The following CSAG1 variants were observed in gnomAD, a reference collection of about 807,000 sequenced individuals.
The protein encoded by CSAG1 is chondrosarcoma-associated gene 1 protein.
Under a neutral mutation model 4.8 loss-of-function variants are expected in CSAG1, and 4 were observed. The ratio of observed to expected loss-of-function variants is 0.83; its 90% CI spans 0.41 to 1.90. The LOEUF (loss-of-function observed/expected upper bound fraction) is 1.90. Ranked by LOEUF, CSAG1 falls within the 40% of genes most tolerant of loss-of-function variation. The probability of loss-of-function intolerance (pLI) is 0.03; values close to 1 mark genes in which losing one functional copy is unlikely to be tolerated. For missense variants in CSAG1, 69 were observed against 59.5 expected (o/e 1.16, Z -0.53); for synonymous variants, 21 against 23.1 (o/e 0.91, Z 0.26).
rs1556830613 is a variant in CSAG1 at position 152,727,889 on chromosome X, G to A, written c.168-26C>T. ...CTGGAAAGCCAACAGGGAGATCACA[G>A]GAGGGCACTGGTTTGGGGAAGAGGA... is the stretch of plus-strand genomic sequence containing the variant. On this transcript the variant is annotated intron_variant, in intron 3 of 3. Coordinates refer to ENST00000452779, the MANE Select transcript of CSAG1 (RefSeq NM_001102576.3). 25 of 1,200,368 alleles carry A rather than the reference G, an allele frequency of 2.1e-5. No homozygotes were observed. The African/African-American group carries it at 3.2e-4, about 15-fold the overall frequency.
chrX:152,733,132 G>A (rs782808227), intron 1 of CSAG1: 1 of 112,089 alleles, frequency 8.9e-6, no homozygotes, highest in African/African-American at 3.2e-5. Context: ...AGCTCCCGTG[G>A]GAAAGTGTCT....
At chrX:152,733,416 A>G (rs782478133) in intron 1 of CSAG1, among the ~76,000 whole-genome samples, 48 of 111,390 alleles carry the variant, frequency 4.3e-4, no homozygotes, top group African/African-American at 1.4e-3. Context: ...CTTAGGCAAT[A>G]ATGTCACCCC....
At position 152,727,513 on chromosome X, in the gene CSAG1, A is replaced by G. The variant is rs782754892; in HGVS notation, c.*281T>C. 2.8e-5 allele frequency: 11 copies of G among 395,347 alleles called. No homozygotes were observed. The East Asian group carries it at 3.2e-4, about 11-fold the overall frequency. 32.6% of individuals were successfully genotyped at this position (395,347 alleles called of 1,213,427 possible). A position where few individuals can be genotyped will look rare whatever the true frequency, so the allele number is the denominator to read the frequency against. On this transcript the variant is annotated 3_prime_UTR_variant, in exon 4 of 4. Transcript: ENST00000452779. ...TTTACAACATGTTCATTTTATTTCC[A>G]TCACCATGGGGCATACCCTTTGGGG...
At chrX:152,732,549 A>G in intron 1 of CSAG1, 45 bp from the exon 2 acceptor site, 2 of 1,196,060 alleles carry the variant, frequency 1.7e-6, no homozygotes, top group Non-Finnish European at 2.3e-6. Context: ...AACCAGTATT[A>G]GCAAGAAAAT....
At position 152,728,091 on chromosome X, in the gene CSAG1, G is replaced by C. The variant is rs1377136635; in HGVS notation, c.150C>G (p.His50Gln). 6 of 1,208,918 alleles carry C rather than the reference G, an allele frequency of 5.0e-6. No homozygotes were observed. The highest frequency in any genetic ancestry group is 6.7e-6 in the Non-Finnish European group (6 of 894,916). Reference protein sequence around the residue: ...PRASSPFSNNHPSTPKRFPRQ... With the variant: ...PRASSPFSNNQPSTPKRFPRQ... The stretch of plus-strand genomic sequence containing the variant: ...TTCCTCGCCTCTTTGGTGTTGATGG[G>C]TGGTTGTTGGAAAATGGGCTGGAGG... The change falls in exon 3 of 4, where the codon CAC becomes CAG. Residue 50 changes from histidine to glutamine, a missense_variant. Physicochemically the swap from His to Gln is conservative, Grantham distance 24. Coordinates refer to ENST00000452779, the MANE Select transcript of CSAG1 (RefSeq NM_001102576.3).
intron 2 of CSAG1, among the ~76,000 whole-genome samples, chrX:152,728,569 C>CA (rs148143505): frequency 0.14 from 15,816 of 109,426 alleles, 939 homozygotes; most frequent in Non-Finnish European, 0.19. Context: ...TAGGAGGAAA[C>CA]AAAAAAAAAT....
rs2515829 is a variant in CSAG1, at chrX:152,728,394, A to G, written c.17-170T>C. Among the ~76,000 whole-genome samples, 11 of 112,575 alleles carry G rather than the reference A, an allele frequency of 9.8e-5. No individual in the cohort carries two copies. The South Asian group carries it at 2.2e-3, about 23-fold the overall frequency. On this transcript the variant is annotated intron_variant, in intron 2 of 3. Coordinates refer to ENST00000452779, the MANE Select transcript of CSAG1 (RefSeq NM_001102576.3). ...TGTAAATGTTGATCACATCTACAAAATACCTTCACAGCAACATCTAGACTA... is the reference window on the plus strand; with the variant it reads ...TGTAAATGTTGATCACATCTACAAAGTACCTTCACAGCAACATCTAGACTA...
chrX:152,731,103 G>T (rs1340502215), intron 2 of CSAG1, among the ~76,000 whole-genome samples: 3 of 111,842 alleles, frequency 2.7e-5, no homozygotes, highest in Non-Finnish European at 5.6e-5. Context: ...GCCTTAGATT[G>T]GCTCCACGTT....
intron 2 of CSAG1, among the ~76,000 whole-genome samples, chrX:152,728,693 G>A (rs1932080056): frequency 8.9e-6 from 1 of 112,216 alleles, no homozygotes. Flanking sequence ...AAGTCTGGAA[G>A]TCCCAGATCA....
At chrX:152,729,459 C>T (rs1294156846) in intron 2 of CSAG1, among the ~76,000 whole-genome samples, 2 of 112,067 alleles carry the variant, frequency 1.8e-5, no homozygotes, top group African/African-American at 3.2e-5. Context: ...AAAACATCTG[C>T]GGTACACATA....
At chrX:152,730,256 G>GC (rs1340228864) in intron 2 of CSAG1, among the ~76,000 whole-genome samples, 7 of 111,171 alleles carry the variant, frequency 6.3e-5, no homozygotes, top group African/African-American at 2.3e-4. Flanking sequence ...ATCAGTGGCA[G>GC]CCAAGGGGGT....
At chrX:152,732,423 T>C (rs1569406678) in intron 2 of CSAG1, 22 bp downstream of exon 2, 4 of 1,198,642 alleles carry the variant, frequency 3.3e-6, no homozygotes, top group Non-Finnish European at 4.5e-6. Flanking sequence ...CAGCTTAAAT[T>C]ATTTACAATT....
At chrX:152,729,052 A>C (rs1602867389) in intron 2 of CSAG1, among the ~76,000 whole-genome samples, 1 of 110,443 alleles carries the variant, frequency 9.1e-6, no homozygotes, top group Non-Finnish European at 1.9e-5. Context: ...TTAATAAAAC[A>C]GAATAGAGCT....
intron 2 of CSAG1, among the ~76,000 whole-genome samples, chrX:152,728,537 C>T (rs1556830992): frequency 9.2e-6 from 1 of 109,162 alleles, no homozygotes; most frequent in East Asian, 2.8e-4. Context: ...ATCTTAAATG[C>T]CAAAATTACG....
rs1932043878 is a variant in CSAG1 at position 152,727,691 on chromosome X, C to T, written c.*103G>A. 1 of 1,021,889 alleles carries T rather than the reference C, an allele frequency of 9.8e-7. No homozygotes were observed. The highest frequency in any genetic ancestry group is 2.2e-5 in the Admixed American group (1 of 45,646). The allele number at this position is 1,021,889 out of a possible 1,213,427, so 84.2% of individuals were successfully genotyped here. The stretch of plus-strand genomic sequence containing the variant: ...GCGGTGGTCTCCTTGCCCTTGTGGT[C>T]CTGCTATGGCGCATTTTGATTGAGT... On this transcript the variant is annotated 3_prime_UTR_variant, in exon 4 of 4. Transcript: ENST00000452779.
Position 152,727,876 on chromosome X carries a change from C to A in CSAG1, c.168-13G>T. On this transcript the variant is annotated splice_polypyrimidine_tract_variant and intron_variant, in intron 3 of 3. Coordinates refer to ENST00000452779, the MANE Select transcript of CSAG1 (RefSeq NM_001102576.3). Reference sequence around the variant, plus strand: ...TTGTCTTGGGAACCTGGAAAGCCAACAGGGAGATCACAGGAGGGCACTGGT... The same window carrying A: ...TTGTCTTGGGAACCTGGAAAGCCAAAAGGGAGATCACAGGAGGGCACTGGT... 8.3e-7 allele frequency: 1 copy of A among 1,207,273 alleles called. No individual in the cohort carries two copies. Among genetic ancestry groups the A allele is most frequent in the Non-Finnish European group, 1.1e-6 (1 of 891,950 alleles).
chrX:152,731,520 T>C (rs141211256), intron 2 of CSAG1, among the ~76,000 whole-genome samples: 2,283 of 111,788 alleles, frequency 0.02, 48 homozygotes, highest in African/African-American at 0.069. Context: ...TTCCAAAACA[T>C]ACAAAAGATT....
At chrX:152,733,210 C>T (rs782346472) in intron 1 of CSAG1, 4 of 111,497 alleles carry the variant, frequency 3.6e-5, no homozygotes, top group Non-Finnish European at 3.8e-5. Flanking sequence ...GCCTGGGACC[C>T]GCAGCCATTC....
At chrX:152,728,346 T>G (rs1932069458) in intron 2 of CSAG1, 122 bp from the exon 3 acceptor site, 2 of 706,324 alleles carry the variant, frequency 2.8e-6, no homozygotes, top group Admixed American at 4.8e-5. Flanking sequence ...GAAGTTAAAT[T>G]GCTTTACTTA....
Sources: allele counts gnomAD v4.1 joint callset (sites outside exome capture counted in the v4.1 genomes callset), GRCh38; gene constraint gnomAD v4.1.1; transcripts MANE v1.5; gene names NCBI Gene and HGNC (gene_info 2026-07-23, HGNC 2026-07-21).